The following XPR1 variants were observed in gnomAD, a reference collection of about 807,000 sequenced individuals.
The protein encoded by XPR1 is solute carrier family 53 member 1.
XPR1 carries 28 observed loss-of-function variants against 87.5 expected under a neutral mutation model. The observed-to-expected ratio is 0.32, with a 90% CI of 0.24 to 0.44. The LOEUF is 0.44. Among genes scored for constraint, XPR1 ranks in the 20% least tolerant of loss-of-function variants. The pLI is 1.00. For synonymous variants in XPR1, 300 were observed against 306.1 expected, an observed-to-expected ratio of 0.98 and a Z score of 0.21; for missense variants, 559 against 862.3, an observed-to-expected ratio of 0.65 and a Z score of 4.41.
chr1:180,761,997 C>T (rs1648054433), intron 2 of XPR1, among the ~76,000 whole-genome samples: 1 of 151,808 alleles, frequency 6.6e-6, no homozygotes, highest in Admixed American at 6.6e-5. Context: ...TGGAAACCAT[C>T]ATTCTCAGCA....
At chr1:180,875,518 A>G (rs898986557) in intron 13 of XPR1, among the ~76,000 whole-genome samples, 1 of 151,876 alleles carries the variant, frequency 6.6e-6, no homozygotes, top group Non-Finnish European at 1.5e-5. Context: ...CAAAAAAAAA[A>G]AAAAAAAAAA....
At chr1:180,638,728 T>C (rs1654867231) in intron 1 of XPR1, among the ~76,000 whole-genome samples, 1 of 152,162 alleles carries the variant, frequency 6.6e-6, no homozygotes, top group South Asian at 2.1e-4. Context: ...AACATAGTAT[T>C]TTTAAAATTA....
At chr1:180,797,216 TA>T (rs1367847620) in intron 3 of XPR1, among the ~76,000 whole-genome samples, 1 of 152,194 alleles carries the variant, frequency 6.6e-6, no homozygotes, top group Non-Finnish European at 1.5e-5. Flanking sequence ...TAAAAAAAGA[TA>T]AAGATTTTAG....
chr1:180,863,695 C>A lies in XPR1; in HGVS notation c.1502-13C>A, dbSNP rs971252094. The A allele has an allele frequency of 7.1e-6, 11 of 1,545,582 alleles. No individual in the cohort carries two copies. The highest frequency in any genetic ancestry group is 7.8e-6 in the Non-Finnish European group (9 of 1,151,408). On this transcript the variant is annotated splice_polypyrimidine_tract_variant and intron_variant, in intron 11 of 14. Transcript: ENST00000367590. ...GTAATTTTCTCTTTTCTCTTTCCCTCTTCTTTCTTCAGAACGAGGTCACTC... is the reference window on the plus strand; with the variant it reads ...GTAATTTTCTCTTTTCTCTTTCCCTATTCTTTCTTCAGAACGAGGTCACTC...
chr1:180,697,844 G>T (rs1455690633), intron 2 of XPR1, among the ~76,000 whole-genome samples: 1 of 151,954 alleles, frequency 6.6e-6, no homozygotes, highest in Admixed American at 6.6e-5. Context: ...AAAAATTCTT[G>T]AGATTTGTTT....
At position 180,887,193 on chromosome 1, in the gene XPR1, A is replaced by C. The variant is rs1336722254; in HGVS notation, c.*3127A>C. 2 of 152,238 alleles carry C rather than the reference A, an allele frequency of 1.3e-5. No homozygotes were observed. The highest frequency in any genetic ancestry group is 4.8e-5 in the African/African-American group (2 of 41,462). 9.4% of individuals were successfully genotyped at this position (152,238 alleles called of 1,614,324 possible). On this transcript the variant is annotated 3_prime_UTR_variant, in exon 15 of 15. Transcript: ENST00000367590. Reference sequence around the variant, plus strand: ...AGACTCCATCTCAAAAACAAACAAAAAAAATCACAGACTCATTTTAAAGGA... The same window carrying C: ...AGACTCCATCTCAAAAACAAACAAACAAAATCACAGACTCATTTTAAAGGA...
intron 3 of XPR1, among the ~76,000 whole-genome samples, chr1:180,796,345 C>A (rs753603942): frequency 6.6e-6 from 1 of 152,110 alleles, no homozygotes; most frequent in Non-Finnish European, 1.5e-5. Context: ...ATATGAAAAT[C>A]TCATACCATA....
intron 2 of XPR1, among the ~76,000 whole-genome samples, chr1:180,727,504 C>T (rs144260854): frequency 9.7e-4 from 148 of 152,154 alleles, no homozygotes; most frequent in African/African-American, 3.0e-3. Context: ...ATTAGCCAGG[C>T]GTGGTGGCAG....
Position 180,774,596 on chromosome 1 carries a change from A to G in XPR1, c.122-13157A>G, listed in dbSNP as rs555715245. ...TTGTTTTTTTGTATATTTAGTAGAGATGGGGTTTCACCGTGTTAGCCAGGG... is the reference window on the plus strand; with the variant it reads ...TTGTTTTTTTGTATATTTAGTAGAGGTGGGGTTTCACCGTGTTAGCCAGGG... On this transcript the variant is annotated intron_variant, in intron 2 of 14. Transcript: ENST00000367590. Among the ~76,000 whole-genome samples, 4 of 151,732 alleles carry G rather than the reference A, an allele frequency of 2.6e-5. No homozygotes were observed. The South Asian group carries it at 8.3e-4, about 32-fold the overall frequency.
chr1:180,811,600 C>G (rs1650215090), intron 7 of XPR1, 112 bp downstream of exon 7: 2 of 810,580 alleles, frequency 2.5e-6, no homozygotes, highest in Non-Finnish European at 3.7e-6. Context: ...AAAGATAAAT[C>G]TATCAGGGCT....
intron 2 of XPR1, among the ~76,000 whole-genome samples, chr1:180,753,260 A>G (rs141698070): frequency 5.6e-4 from 86 of 152,312 alleles, no homozygotes; most frequent in South Asian, 2.3e-3. Flanking sequence ...TGTTAAGGCA[A>G]TCATCTTTAA....
At chr1:180,682,614 T>A (rs1389239363) in intron 2 of XPR1, among the ~76,000 whole-genome samples, 2 of 152,080 alleles carry the variant, frequency 1.3e-5, no homozygotes, top group African/African-American at 4.8e-5. Context: ...CTATGACGGA[T>A]CTTTTACTAT....
chr1:180,748,412 T>C (rs1039680187), intron 2 of XPR1, among the ~76,000 whole-genome samples: 2 of 75,190 alleles, frequency 2.7e-5, no homozygotes, highest in Non-Finnish European at 4.8e-5. Flanking sequence ...TTTTTTTTTT[T>C]TTTTTTTTTT....
chr1:180,768,317 C>T (rs553316042), intron 2 of XPR1, among the ~76,000 whole-genome samples: 1 of 152,008 alleles, frequency 6.6e-6, no homozygotes, highest in African/African-American at 2.4e-5. Context: ...CATTCATAGA[C>T]GATTTATAGG....
chr1:180,685,545 A>G (rs1023474126), intron 2 of XPR1, among the ~76,000 whole-genome samples: 1 of 152,150 alleles, frequency 6.6e-6, no homozygotes, highest in African/African-American at 2.4e-5. Context: ...TGATTGGAAT[A>G]GTTTCAGAAG....
intron 2 of XPR1, among the ~76,000 whole-genome samples, chr1:180,707,156 A>G (rs983041283): frequency 6.6e-6 from 1 of 152,222 alleles, no homozygotes; most frequent in Non-Finnish European, 1.5e-5. Flanking sequence ...GAATAGTTAC[A>G]TGGTGAGAAA....
chr1:180,716,975 G>A (rs1658017822), intron 2 of XPR1, among the ~76,000 whole-genome samples: 1 of 152,122 alleles, frequency 6.6e-6, no homozygotes, highest in South Asian at 2.1e-4. Flanking sequence ...AGCAAGCCAT[G>A]CCAAACACAC....
intron 7 of XPR1, among the ~76,000 whole-genome samples, chr1:180,815,250 T>G (rs964031599): frequency 5.9e-5 from 9 of 152,078 alleles, no homozygotes; most frequent in Non-Finnish European, 1.0e-4. Flanking sequence ...AATTTGAGGG[T>G]TTTTTTGTTT....
intron 3 of XPR1, among the ~76,000 whole-genome samples, chr1:180,790,473 AAAGAACATGG>A (rs140939230): frequency 0.018 from 2,551 of 145,138 alleles, 79 homozygotes; most frequent in African/African-American, 0.067. Flanking sequence ...AAGAGCCATG[AAAGAACATGG>A]CATATATGCA....
Sources: gnomAD v4.1 joint callset for allele counts (sites outside exome capture counted in the v4.1 genomes callset) on GRCh38, gnomAD v4.1.1 for gene constraint, MANE v1.5 for transcripts, NCBI Gene and HGNC (gene_info 2026-07-23, HGNC 2026-07-21) for gene names.